The following DPF2 variants were observed in gnomAD, a reference collection of about 807,000 sequenced individuals.
DPF2 encodes the protein zinc finger protein ubi-d4.
A neutral mutation model predicts 59.6 loss-of-function variants in DPF2; 10 were observed. The ratio of observed to expected loss-of-function variants is 0.17; its 90% confidence interval spans 0.10 to 0.28. DPF2 has a LOEUF of 0.28. Ranked by LOEUF, DPF2 falls within the 10% of genes least tolerant of loss-of-function variation. The pLI is 1.00. For synonymous variants in DPF2, 189 were observed against 190.6 expected (o/e 0.99, Z 0.07); for missense variants, 315 against 509.4 (o/e 0.62, Z 3.67).
intron 6 of DPF2, 58 bp downstream of exon 6, chr11:65,344,127 A>T: frequency 6.5e-7 from 1 of 1,540,036 alleles, no homozygotes; most frequent in Non-Finnish European, 9.0e-7. Flanking sequence ...CCTGCTCTGG[A>T]TATGAGAGGA....
chr11:65,336,785 C>CAAAA (rs751170058), intron 1 of DPF2, among the ~76,000 whole-genome samples: 1 of 65,842 alleles, frequency 1.5e-5, no homozygotes, highest in Non-Finnish European at 3.0e-5. Context: ...GACTCCATCT[C>CAAAA]AAAAAAAAAA....
Position 65,351,782 on chromosome 11 carries a change from G to A in DPF2, c.*23G>A, listed in dbSNP as rs1178139062. 3.7e-6 allele frequency: 6 copies of A among 1,609,208 alleles called. No homozygotes were observed. Among genetic ancestry groups the A allele is most frequent in the Admixed American group, 1.7e-5 (1 of 60,012 alleles). ...TGATGTGGCCACCCACCTGCTCCCC[G>A]ACATATCTAAGGCTGTTTCTCTCCT... On this transcript the variant is annotated 3_prime_UTR_variant, in exon 11 of 11. Transcript: ENST00000528416.
chr11:65,337,813 A>AT (rs981772412), intron 1 of DPF2, among the ~76,000 whole-genome samples: 17 of 148,508 alleles, frequency 1.1e-4, no homozygotes, highest in African/African-American at 3.5e-4. Flanking sequence ...TTTTAATTTT[A>AT]TTTTTTTTGA....
intron 1 of DPF2, among the ~76,000 whole-genome samples, chr11:65,335,763 T>A (rs1045149777): frequency 1.3e-5 from 2 of 152,102 alleles, no homozygotes; most frequent in Non-Finnish European, 2.9e-5. Flanking sequence ...TTCTGACAGC[T>A]GATGTTATAC....
At chr11:65,337,546 G>GAGAGAGAGAGAGAGAGAA (rs1854234277) in intron 1 of DPF2, among the ~76,000 whole-genome samples, 1 of 120,284 alleles carries the variant, frequency 8.3e-6, no homozygotes, top group Non-Finnish European at 1.7e-5. Flanking sequence ...GAGAGAGAGA[G>GAGAGAGAGAGAGAGAGAA]AACAATGTTA....
In DPF2 at chr11:65,345,651, C is replaced by T. The variant is rs1854506104; in HGVS notation, c.638-15C>T. 1 of 1,613,960 alleles carries T rather than the reference C, an allele frequency of 6.2e-7. No individual in the cohort carries two copies. The highest frequency in any genetic ancestry group is 8.5e-7 in the Non-Finnish European group (1 of 1,179,986). On this transcript the variant is annotated splice_polypyrimidine_tract_variant and intron_variant, in intron 6 of 10. Coordinates refer to ENST00000528416, the MANE Select transcript of DPF2 (RefSeq NM_006268.5). The stretch of plus-strand genomic sequence containing the variant: ...GTATCCTAACACCTTTCTCTGCAAT[C>T]TTCTTCCCACTCAGTTTGTGGAAAA...
At chr11:65,351,340 C>G (rs1048668986) in intron 10 of DPF2, among the ~76,000 whole-genome samples, 2 of 152,190 alleles carry the variant, frequency 1.3e-5, no homozygotes, top group Non-Finnish European at 2.9e-5. Flanking sequence ...TGAAACTACA[C>G]AAGTCTTAAA....
In DPF2 at chr11:65,345,927, T is replaced by C; in HGVS notation, c.776-3T>C. On this transcript the variant is annotated splice_region_variant and splice_polypyrimidine_tract_variant and intron_variant, in intron 7 of 10. Coordinates refer to ENST00000528416, the MANE Select transcript of DPF2 (RefSeq NM_006268.5). Reference sequence around the variant, plus strand: ...GTGTCATCAAAACTCTTTCTCTCTGTAGCCAAAAAGGGTCCTGATGGATTG... The same window carrying C: ...GTGTCATCAAAACTCTTTCTCTCTGCAGCCAAAAAGGGTCCTGATGGATTG... 6.2e-7 allele frequency: 1 copy of C among 1,614,108 alleles called. No homozygotes were observed. The highest frequency in any genetic ancestry group is 8.5e-7 in the Non-Finnish European group (1 of 1,179,988).
chr11:65,354,046 G>T lies in DPF2; in HGVS notation c.*2287G>T, dbSNP rs191979795. Among the ~76,000 whole-genome samples the T allele has an allele frequency of 8.5e-4, 129 of 152,348 alleles. No homozygotes were observed. The highest frequency in any genetic ancestry group is 3.0e-3 in the African/African-American group (124 of 41,580). On this transcript the variant is annotated 3_prime_UTR_variant, in exon 11 of 11. Coordinates refer to ENST00000528416, the MANE Select transcript of DPF2 (RefSeq NM_006268.5). The stretch of plus-strand genomic sequence containing the variant: ...AGAGTTGGACAGTGTCAGCCGGTAG[G>T]ACGGGGGTGCGGACGGAAGCCTGTG...
At chr11:65,340,873 A>G (rs1854346614) in intron 2 of DPF2, 93 bp from the exon 3 acceptor site, 1 of 1,288,826 alleles carries the variant, frequency 7.8e-7, no homozygotes, top group South Asian at 1.4e-5. Flanking sequence ...CTTGCTCTAG[A>G]ACTCAAAGGG....
Position 65,344,409 on chromosome 11 carries a change from C to T in DPF2, c.637+340C>T, listed in dbSNP as rs4647586. 3.8e-3 allele frequency: 2,536 copies of T among 665,632 alleles called. 6 individuals carry two copies. The highest frequency in any genetic ancestry group is 5.3e-3 in the Non-Finnish European group (2,114 of 396,544). The allele number at this position is 665,632 out of a possible 1,614,324, so 41.2% of individuals were successfully genotyped here. A position where few individuals can be genotyped will look rare whatever the true frequency, so the allele number is the denominator to read the frequency against. On this transcript the variant is annotated intron_variant, in intron 6 of 10. Coordinates refer to ENST00000528416, the MANE Select transcript of DPF2 (RefSeq NM_006268.5). ...AGGGGTCTGACACTGAGTTTTTCAA[C>T]GTCTGTTCTCTTTTTCTTTCTGTCT...
intron 6 of DPF2, chr11:65,344,888 C>T: frequency 4.1e-6 from 2 of 492,934 alleles, no homozygotes; most frequent in Non-Finnish European, 7.2e-6. Flanking sequence ...GAGCCCATTA[C>T]AATCAGACCC....
rs780942025 is a variant in DPF2 at position 65,345,633 on chromosome 11, A to G, written c.638-33A>G. The G allele has an allele frequency of 6.2e-6, 10 of 1,612,804 alleles. No homozygotes were observed. In the South Asian group the frequency reaches 9.9e-5, roughly 16 times the overall value. Reference sequence around the variant, plus strand: ...TGGGGACATGGCACTCTTGTATCCTAACACCTTTCTCTGCAATCTTCTTCC... The same window carrying G: ...TGGGGACATGGCACTCTTGTATCCTGACACCTTTCTCTGCAATCTTCTTCC... On this transcript the variant is annotated intron_variant, in intron 6 of 10. Transcript: ENST00000528416.
intron 10 of DPF2, among the ~76,000 whole-genome samples, chr11:65,350,991 A>T (rs1297897974): frequency 1.3e-5 from 2 of 151,914 alleles, no homozygotes; most frequent in East Asian, 1.9e-4. Flanking sequence ...AGAAAAAAAA[A>T]AAATAAAGGG....
rs868811749 is a variant in DPF2, at chr11:65,343,808, C to T, written c.529C>T (p.Pro177Ser). The change falls in exon 5 of 11, where the codon CCC (proline) becomes TCC (serine). Residue 177 changes from proline to serine, a missense_variant. Physicochemically the swap from Pro to Ser is moderately conservative, Grantham distance 74. Coordinates refer to ENST00000528416, the MANE Select transcript of DPF2 (RefSeq NM_006268.5). Reference sequence around the variant, plus strand: ...TGATGAAGACTATGAAGAAGATACTCCCAAGCGTCGGGGAAAGGGGAAATC... The same window carrying T: ...TGATGAAGACTATGAAGAAGATACTTCCAAGCGTCGGGGAAAGGGGAAATC... ...LDDEDYEEDT[P>S]KRRGKGKSKG... The T allele has an allele frequency of 6.3e-7, 1 of 1,590,646 alleles. No homozygotes were observed. The highest frequency in any genetic ancestry group is 8.6e-7 in the Non-Finnish European group (1 of 1,168,072).
chr11:65,351,647 T>C (rs1035013085), intron 10 of DPF2, 36 bp from the exon 11 acceptor site: 2 of 1,596,536 alleles, frequency 1.3e-6, no homozygotes, highest in Non-Finnish European at 1.7e-6. Flanking sequence ...GGGGATTGTG[T>C]GGGACCCATC....
Position 65,344,083 on chromosome 11 carries a change from A to G in DPF2, c.637+14A>G. 1.2e-6 allele frequency: 2 copies of G among 1,613,954 alleles called. No individual in the cohort carries two copies. The highest frequency in any genetic ancestry group is 1.7e-6 in the Non-Finnish European group (2 of 1,179,846). ...ATGCCTGTGACAGTGAGTGCCTCAC[A>G]AGTGGGTGGGTAGACCTTGCCTTGG... On this transcript the variant is annotated intron_variant, in intron 6 of 10. Coordinates refer to ENST00000528416, the MANE Select transcript of DPF2 (RefSeq NM_006268.5).
chr11:65,340,848 T>A, intron 2 of DPF2, 118 bp from the exon 3 acceptor site: 1 of 1,058,848 alleles, frequency 9.4e-7, no homozygotes, highest in Admixed American at 2.6e-5. Context: ...AGGCCCTCAC[T>A]GTCAGAATTT....
intron 1 of DPF2, 133 bp downstream of exon 1, chr11:65,334,051 A>G: frequency 7.8e-7 from 1 of 1,290,106 alleles, no homozygotes. Flanking sequence ...CCTGGTGGGG[A>G]GGGCAACAGG....
Sources: allele counts gnomAD v4.1 joint callset (sites outside exome capture counted in the v4.1 genomes callset), GRCh38; gene constraint gnomAD v4.1.1; transcripts MANE v1.5; gene names NCBI Gene and HGNC (gene_info 2026-07-23, HGNC 2026-07-21).